PARP10: variants seen among roughly 807,000 people sequenced by gnomAD.
PARP10 encodes poly(ADP-ribose) polymerase family member 10.
PARP10 carries 56 observed loss-of-function variants against 82.4 expected under a neutral mutation model. The ratio of observed to expected loss-of-function variants is 0.68; its 90% CI spans 0.55 to 0.85. The LOEUF (loss-of-function observed/expected upper bound fraction) is 0.85. Ranked by LOEUF, PARP10 falls within the 40% of genes least tolerant of loss-of-function variation. The probability of loss-of-function intolerance (pLI) is 0.00; values close to 1 mark genes in which losing one functional copy is unlikely to be tolerated. For synonymous variants in PARP10, 576 were observed against 601.1 expected (o/e 0.96, Z 0.61); for missense variants, 1,227 against 1,379.4 (o/e 0.89, Z 1.75).
Position 143,984,655 on chromosome 8 carries a change from C to A in PARP10, c.1347G>T (p.Leu449Phe). 1 of 1,614,108 alleles carries A rather than the reference C, an allele frequency of 6.2e-7. No homozygotes were observed. The highest frequency in any genetic ancestry group is 8.5e-7 in the Non-Finnish European group (1 of 1,179,988). ...GGAAGCGCATCGCCCCTGGCTCCAT[C>A]AATAGCACCATCTCCACCAGGCCCT... ...GQEGLVEMVL[L>F]MEPGAMRFLQ... Residue 449 changes from leucine (L) to phenylalanine (F), a missense_variant, in exon 5 of 11, where the codon TTG becomes TTT. By Grantham distance (22) the Leu-to-Phe change is conservative. Coordinates refer to ENST00000313028, the MANE Select transcript of PARP10 (RefSeq NM_032789.5).
At chr8:143,996,302 C>T (rs1355933306) in intron 1 of PARP10, among the ~76,000 whole-genome samples, 1 of 152,250 alleles carries the variant, frequency 6.6e-6, no homozygotes, top group African/African-American at 2.4e-5. Context: ...TAAACCCACA[C>T]TTGATTTCAA....
upstream of PARP10, chr8:143,991,577 G>A: frequency 1.3e-6 from 2 of 1,596,778 alleles, no homozygotes; most frequent in South Asian, 1.1e-5. Context: ...GACAGCCACA[G>A]GTCTTCCCAG....
intron 7 of PARP10, 76 bp from the exon 8 acceptor site, chr8:143,983,887 G>C: frequency 6.6e-7 from 1 of 1,514,576 alleles, no homozygotes; most frequent in Non-Finnish European, 8.9e-7. Flanking sequence ...TGGGGAGCAA[G>C]TTTTTAGGGT....
chr8:143,983,084 CG>C lies in PARP10; in HGVS notation c.2423-20del, dbSNP rs376223728. The C allele has an allele frequency of 1.2e-4, 192 of 1,613,796 alleles. 1 individual carries two copies. The East Asian group carries it at 3.5e-3, about 30-fold the overall frequency. ...CCCGCCACTGATGCATGGGGAAAAGCGGGGGGTCAGAGCCATGCCTGGGGCA... is the reference window on the plus strand; with the variant it reads ...CCCGCCACTGATGCATGGGGAAAAGCGGGGGTCAGAGCCATGCCTGGGGCA... On this transcript the variant is annotated intron_variant, in intron 8 of 10. Transcript: ENST00000313028.
intron 1 of PARP10, among the ~76,000 whole-genome samples, chr8:144,004,201 C>T (rs1834220576): frequency 6.6e-6 from 1 of 151,820 alleles, no homozygotes. Context: ...GCCTGTAGTC[C>T]TCAGGAGGCT....
Position 143,984,971 on chromosome 8 carries a change from C to G in PARP10, c.1031G>C (p.Gly344Ala), listed in dbSNP as rs781992405. Residue 344 changes from glycine to alanine, a missense_variant, in exon 5 of 11, where the codon GGA (glycine) becomes GCA (alanine). Gly to Ala is a moderately conservative substitution (Grantham distance 60). Coordinates refer to ENST00000313028, the MANE Select transcript of PARP10 (RefSeq NM_032789.5). ...SLRTGPMGSL[G>A]QAEQVSSMPM... ...CATCGAGCTGACTTGCTCTGCCTGT[C>G]CCAGAGACCCCATGGGACCTGTCCT... is the stretch of plus-strand genomic sequence containing the variant. 2 of 1,613,770 alleles carry G rather than the reference C, an allele frequency of 1.2e-6. No individual in the cohort carries two copies. Among genetic ancestry groups the G allele is most frequent in the African/African-American group, 2.7e-5 (2 of 74,874 alleles).
chr8:143,984,371 T>C lies in PARP10; in HGVS notation c.1519A>G (p.Ser507Gly), dbSNP rs80304851. ...AGGCACAACACATGGCAGCTAATGCTGCCCAGCAGGCTCCGCAGAAACTCC... is the reference window on the plus strand; with the variant it reads ...AGGCACAACACATGGCAGCTAATGCCGCCCAGCAGGCTCCGCAGAAACTCC... ...AEEFLRSLLG[S>G]ISCHVLCLEH... The change falls in exon 6 of 11, where the codon AGC becomes GGC. Residue 507 changes from serine (S) to glycine (G), a missense_variant. By Grantham distance (56) the Ser-to-Gly change is moderately conservative. Coordinates refer to ENST00000313028, the MANE Select transcript of PARP10 (RefSeq NM_032789.5). The C allele has an allele frequency of 0.051, 81,597 of 1,613,058 alleles. 3,209 individuals are homozygous for C. Among genetic ancestry groups the C allele is most frequent in the African/African-American group, 0.21 (15,582 of 74,972 alleles).
chr8:143,979,288 C>T (rs992799603), intron 9 of PARP10, among the ~76,000 whole-genome samples: 1 of 151,972 alleles, frequency 6.6e-6, no homozygotes, highest in Non-Finnish European at 1.5e-5. Context: ...TGCAAGTTTA[C>T]ACACACACAC....
At position 143,984,714 on chromosome 8, in the gene PARP10, C is replaced by A. The variant is rs1833943399; in HGVS notation, c.1288G>T (p.Val430Leu). ...TMGSLEKAGP[V>L]SPGCVKLAGQ... ...GCCAGCTTCACACATCCTGGGCTCA[C>A]AGGCCCTGCCTTCTCCAGAGACCCC... is the stretch of plus-strand genomic sequence containing the variant. Residue 430 changes from valine (V) to leucine (L), a missense_variant, in exon 5 of 11, where the codon GTG (valine) becomes TTG (leucine). Coordinates refer to ENST00000313028, the MANE Select transcript of PARP10 (RefSeq NM_032789.5). 1 of 1,613,822 alleles carries A rather than the reference C, an allele frequency of 6.2e-7. No individual in the cohort carries two copies.
intron 1 of PARP10, among the ~76,000 whole-genome samples, chr8:144,007,485 A>G (rs1463676716): frequency 2.0e-5 from 3 of 152,234 alleles, no homozygotes; most frequent in Admixed American, 6.5e-5. Context: ...TTCATGGTGC[A>G]ATTCCTTTAG....
intron 9 of PARP10, among the ~76,000 whole-genome samples, chr8:143,980,049 C>A (rs1240669353): frequency 1.5e-5 from 2 of 130,550 alleles, no homozygotes; most frequent in Admixed American, 7.9e-5. Context: ...CAGCCGGGCG[C>A]GGTGGCTCAC....
chr8:143,979,994 A>G (rs1443708365), intron 9 of PARP10, among the ~76,000 whole-genome samples: 3 of 111,756 alleles, frequency 2.7e-5, no homozygotes, highest in Non-Finnish European at 5.4e-5. Context: ...CCTGAGTGAC[A>G]GAGCGAGACT....
Position 143,985,845 on chromosome 8 carries a change from G to C in PARP10, c.312C>G (p.Arg104=), listed in dbSNP as rs1408536921. The change falls in exon 3 of 11, where the codon CGC becomes CGG. Residue 104 remains arginine, a synonymous_variant. Transcript: ENST00000313028. The part of the protein sequence containing the change: ...QGLPPGTTPQ[R]LEQHVQALLR... ...GCAAGGCCTGGACATGCTGCTCCAA[G>C]CGCTGGGGCGTGGTGCCAGGGGGCA... is the stretch of plus-strand genomic sequence containing the variant. 1 of 1,610,060 alleles carries C rather than the reference G, an allele frequency of 6.2e-7. No individual in the cohort carries two copies. The highest frequency in any genetic ancestry group is 8.5e-7 in the Non-Finnish European group (1 of 1,178,676).
upstream of PARP10, chr8:143,992,739 C>G (rs1028539145): frequency 1.2e-6 from 2 of 1,613,838 alleles, no homozygotes; most frequent in Non-Finnish European, 1.7e-6. Flanking sequence ...AGCAGCTGTC[C>G]CTGAGCCCAG....
chr8:144,004,341 G>T (rs1328716314), intron 1 of PARP10, among the ~76,000 whole-genome samples: 1 of 152,142 alleles, frequency 6.6e-6, no homozygotes, highest in Non-Finnish European at 1.5e-5. Flanking sequence ...GGACTGCGGG[G>T]AGGGGAAAGC....
intron 1 of PARP10, among the ~76,000 whole-genome samples, chr8:143,997,772 T>G (rs2133073315): frequency 6.6e-6 from 1 of 151,986 alleles, no homozygotes; most frequent in African/African-American, 2.4e-5. Flanking sequence ...CACATAAAAT[T>G]TGCTACACAA....
chr8:144,007,615 C>T (rs1834244011), intron 1 of PARP10, among the ~76,000 whole-genome samples: 1 of 152,218 alleles, frequency 6.6e-6, no homozygotes, highest in Non-Finnish European at 1.5e-5. Flanking sequence ...TTGTCCTCTC[C>T]TGAGATATCA....
At chr8:143,997,397 G>A (rs537936568) in intron 1 of PARP10, among the ~76,000 whole-genome samples, 11 of 152,186 alleles carry the variant, frequency 7.2e-5, no homozygotes, top group East Asian at 1.9e-4. Context: ...CCACAGCTTC[G>A]TGGGAGGACT....
At position 143,977,450 on chromosome 8, in the gene PARP10, T is replaced by C; in HGVS notation, c.*34A>G. On this transcript the variant is annotated 3_prime_UTR_variant, in exon 11 of 11. Coordinates refer to ENST00000313028, the MANE Select transcript of PARP10 (RefSeq NM_032789.5). ...ATCAGCCTGTGCGGAGCTGGGAGCC[T>C]GGGAAGCAGGAGGCCAGAGGGTGGC... The C allele has an allele frequency of 6.7e-7, 1 of 1,492,088 alleles. No homozygotes were observed. Among genetic ancestry groups the C allele is most frequent in the East Asian group, 2.5e-5 (1 of 40,392 alleles). 92.4% of individuals were successfully genotyped at this position (1,492,088 alleles called of 1,614,324 possible).
Sources: gnomAD v4.1 joint callset for allele counts (sites outside exome capture counted in the v4.1 genomes callset) on GRCh38, gnomAD v4.1.1 for gene constraint, MANE v1.5 for transcripts, NCBI Gene and HGNC (gene_info 2026-07-23, HGNC 2026-07-21) for gene names.